EEPD1: variants seen among roughly 807,000 people sequenced by gnomAD.
The protein encoded by EEPD1 is endonuclease/exonuclease/phosphatase family domain containing 1.
In EEPD1, 17 loss-of-function variants were observed where a neutral mutation model predicts 46.3. The ratio of observed to expected loss-of-function variants is 0.37; its 90% CI spans 0.25 to 0.55. EEPD1 has a LOEUF of 0.55. EEPD1 is among the 20% of genes least tolerant of loss of function. The probability of loss-of-function intolerance (pLI) is 0.83; values close to 1 mark genes in which losing one functional copy is unlikely to be tolerated. For synonymous variants in EEPD1, 313 were observed against 315.6 expected, an observed-to-expected ratio of 0.99 and a Z score of 0.09; for missense variants, 673 against 745.6, an observed-to-expected ratio of 0.90 and a Z score of 1.13.
chr7:36,271,827 TTC>T (rs1787107940), intron 3 of EEPD1, among the ~76,000 whole-genome samples: 1 of 52,232 alleles, frequency 1.9e-5, no homozygotes, highest in African/African-American at 5.6e-5. Context: ...TTCTATTCTA[TTC>T]TATTCTATTC....
At chr7:36,208,813 C>T (rs1463437520) in intron 2 of EEPD1, among the ~76,000 whole-genome samples, 2 of 152,202 alleles carry the variant, frequency 1.3e-5, no homozygotes, top group Admixed American at 1.3e-4. Flanking sequence ...AAGGGTGGTT[C>T]CCAGACAGCA....
chr7:36,292,803 G>C, intron 6 of EEPD1, among the ~76,000 whole-genome samples: 1 of 152,168 alleles, frequency 6.6e-6, no homozygotes, highest in Non-Finnish European at 1.5e-5. Flanking sequence ...CACTGTGCCT[G>C]GCCTAGAGCC....
intron 3 of EEPD1, among the ~76,000 whole-genome samples, chr7:36,275,641 T>C (rs1362578715): frequency 6.6e-6 from 1 of 152,112 alleles, no homozygotes; most frequent in Non-Finnish European, 1.5e-5. Flanking sequence ...TTTGTATTTT[T>C]AGTAGAGACA....
intron 2 of EEPD1, among the ~76,000 whole-genome samples, chr7:36,163,009 GGTT>G (rs377548860): frequency 6.6e-6 from 1 of 151,970 alleles, no homozygotes; most frequent in African/African-American, 2.4e-5. Flanking sequence ...GTCTCAGGTG[GGTT>G]GTTGTTTTTT....
At chr7:36,268,385 T>A (rs1299044861) in intron 3 of EEPD1, among the ~76,000 whole-genome samples, 1 of 152,144 alleles carries the variant, frequency 6.6e-6, no homozygotes, top group Non-Finnish European at 1.5e-5. Context: ...GGTCTCGAAC[T>A]CCTGACCTCA....
At chr7:36,197,955 C>G (rs1341671904) in intron 2 of EEPD1, among the ~76,000 whole-genome samples, 1 of 151,920 alleles carries the variant, frequency 6.6e-6, no homozygotes, top group African/African-American at 2.4e-5. Context: ...TAGCATTCTT[C>G]CATGGAGCTG....
intron 2 of EEPD1, among the ~76,000 whole-genome samples, chr7:36,219,651 G>A (rs1303961016): frequency 6.8e-6 from 1 of 146,828 alleles, no homozygotes; most frequent in Non-Finnish European, 1.5e-5. Flanking sequence ...GAAGAAGGAG[G>A]AAGAGGAAGG....
intron 2 of EEPD1, among the ~76,000 whole-genome samples, chr7:36,199,358 A>G (rs1785672043): frequency 6.6e-6 from 1 of 152,126 alleles, no homozygotes; most frequent in Non-Finnish European, 1.5e-5. Flanking sequence ...AAAGCTCATT[A>G]CCTGCCCCCC....
intron 2 of EEPD1, among the ~76,000 whole-genome samples, chr7:36,221,074 GT>G (rs2115745818): frequency 6.6e-6 from 1 of 152,320 alleles, no homozygotes; most frequent in East Asian, 1.9e-4. Context: ...GTCCCAAAGT[GT>G]TTAGATTACA....
intron 3 of EEPD1, among the ~76,000 whole-genome samples, chr7:36,279,034 G>A (rs1787221604): frequency 6.6e-6 from 1 of 152,170 alleles, no homozygotes; most frequent in Non-Finnish European, 1.5e-5. Flanking sequence ...AAAGAGTCAG[G>A]TTACAATGGA....
At chr7:36,186,749 G>A (rs948415871) in intron 2 of EEPD1, among the ~76,000 whole-genome samples, 11 of 152,226 alleles carry the variant, frequency 7.2e-5, no homozygotes, top group Non-Finnish European at 1.3e-4. Flanking sequence ...ACACAGGGTC[G>A]TTGCTGCCAC....
At chr7:36,264,808 T>A (rs2115836894) in intron 3 of EEPD1, among the ~76,000 whole-genome samples, 1 of 152,054 alleles carries the variant, frequency 6.6e-6, no homozygotes, top group South Asian at 2.1e-4. Context: ...TTTCCATTTC[T>A]CCCATTAGCA....
chr7:36,197,275 G>A lies in EEPD1; in HGVS notation c.879-41710G>A, dbSNP rs868693454. ...AGGCCCCCGCCCGGGCAGCCGCCCC[G>A]TCCGGGAGGGAGGTGGGGGGGTCAG... On this transcript the variant is annotated intron_variant, in intron 2 of 7. Transcript: ENST00000242108. 2.9e-3 allele frequency among the ~76,000 whole-genome samples: 420 copies of A among 145,222 alleles called. 2 individuals carry two copies. Among genetic ancestry groups the A allele is most frequent in the South Asian group, 3.8e-3 (18 of 4,736 alleles).
At chr7:36,279,881 T>G (rs1787234324) in intron 3 of EEPD1, among the ~76,000 whole-genome samples, 1 of 152,118 alleles carries the variant, frequency 6.6e-6, no homozygotes, top group Admixed American at 6.6e-5. Context: ...GTGAACTTAG[T>G]GAATAGCTGC....
At chr7:36,213,606 C>T (rs1010197324) in intron 2 of EEPD1, among the ~76,000 whole-genome samples, 15 of 152,080 alleles carry the variant, frequency 9.9e-5, no homozygotes, top group African/African-American at 3.6e-4. Flanking sequence ...TCCTTGAGTT[C>T]ACCAACATTG....
chr7:36,168,705 C>T (rs936673571), intron 2 of EEPD1, among the ~76,000 whole-genome samples: 14 of 148,156 alleles, frequency 9.4e-5, no homozygotes, highest in African/African-American at 2.8e-4. Context: ...TTGCAGTGAG[C>T]GAAGATTGTG....
intron 2 of EEPD1, among the ~76,000 whole-genome samples, chr7:36,162,504 G>A (rs1366973498): frequency 6.6e-6 from 1 of 152,076 alleles, no homozygotes; most frequent in Non-Finnish European, 1.5e-5. Flanking sequence ...ATTACCCAAG[G>A]TTGGTGGTGC....
rs141642806 is a variant in EEPD1 at position 36,270,547 on chromosome 7, A to G, written c.931-10568A>G. ...GTTCAACTCCTACTTATGAGTGAGA[A>G]CATGTGGCATTTGGTTTTCTGTTCC... is the stretch of plus-strand genomic sequence containing the variant. On this transcript the variant is annotated intron_variant, in intron 3 of 7. Coordinates refer to ENST00000242108, the MANE Select transcript of EEPD1 (RefSeq NM_030636.3). Among the ~76,000 whole-genome samples the G allele has an allele frequency of 6.9e-3, 1,045 of 152,298 alleles. 16 individuals carry two copies. Among genetic ancestry groups the G allele is most frequent in the African/African-American group, 0.024 (996 of 41,556 alleles).
At chr7:36,183,699 A>G (rs1318273367) in intron 2 of EEPD1, among the ~76,000 whole-genome samples, 3 of 151,558 alleles carry the variant, frequency 2.0e-5, no homozygotes, top group East Asian at 3.9e-4. Flanking sequence ...TTATTTTTGG[A>G]GATGGTGTCT....
Sources: allele counts gnomAD v4.1 joint callset (sites outside exome capture counted in the v4.1 genomes callset), GRCh38; gene constraint gnomAD v4.1.1; transcripts MANE v1.5; gene names NCBI Gene and HGNC (gene_info 2026-07-23, HGNC 2026-07-21).